CNTN6: variants seen among roughly 807,000 people sequenced by gnomAD.
CNTN6 encodes contactin 6, also known as contactin-6.
In CNTN6, 137 loss-of-function variants were observed where a neutral mutation model predicts 122.8. That is an observed-to-expected ratio of 1.12 (90% CI 0.97 to 1.29). CNTN6 has a LOEUF of 1.29. Among genes scored for constraint, CNTN6 ranks in the 50% most tolerant of loss-of-function variants. The pLI is 0.00. For synonymous variants in CNTN6, 570 were observed against 426.0 expected, an observed-to-expected ratio of 1.34 and a Z score of -4.16; for missense variants, 1,634 against 1,223.4, an observed-to-expected ratio of 1.34 and a Z score of -5.01.
At chr3:1,333,334 A>C (rs976781703) in intron 11 of CNTN6, among the ~76,000 whole-genome samples, 5 of 152,056 alleles carry the variant, frequency 3.3e-5, no homozygotes, top group African/African-American at 1.2e-4. Flanking sequence ...CAGATCCTAA[A>C]CTCAAACACA....
Position 1,218,209 on chromosome 3 carries a change from T to C in CNTN6, c.56-2478T>C, listed in dbSNP as rs142761523. On this transcript the variant is annotated intron_variant, in intron 2 of 22. Coordinates refer to ENST00000446702, the MANE Select transcript of CNTN6 (RefSeq NM_001289080.2). ...TGGTGGGGTGGCCTGGCAGAGGGTA[T>C]CAGAGCCTGAGGAAGGGGAAGAGGG... 2.0e-4 allele frequency among the ~76,000 whole-genome samples: 30 copies of C among 152,052 alleles called. 1 individual carries two copies. The East Asian group carries it at 5.3e-3, about 27-fold the overall frequency.
At chr3:1,219,663 G>A (rs1405170707) in intron 2 of CNTN6, among the ~76,000 whole-genome samples, 1 of 152,136 alleles carries the variant, frequency 6.6e-6, no homozygotes, top group Non-Finnish European at 1.5e-5. Flanking sequence ...AGGTGTTAAA[G>A]TCAGGGAAAT....
chr3:1,227,461 G>A (rs1218843871), intron 3 of CNTN6, among the ~76,000 whole-genome samples: 3 of 152,108 alleles, frequency 2.0e-5, no homozygotes, highest in Admixed American at 1.3e-4. Flanking sequence ...TGTGCTACCA[G>A]TTGTGGATGT....
In CNTN6 at chr3:1,381,786, T is replaced by C. The variant is rs960027640; in HGVS notation, c.2167-1156T>C. Among the ~76,000 whole-genome samples, 9 of 152,194 alleles carry C rather than the reference T, an allele frequency of 5.9e-5. No homozygotes were observed. The South Asian group carries it at 1.0e-3, about 17-fold the overall frequency. On this transcript the variant is annotated intron_variant, in intron 17 of 22. Coordinates refer to ENST00000446702, the MANE Select transcript of CNTN6 (RefSeq NM_001289080.2). ...TCCATGTTCTCTACTTTTTGCCTGC[T>C]CTGTGTATATCTATCATTGTTTTGC...
At chr3:1,139,780 A>G (rs941129416) in intron 1 of CNTN6, among the ~76,000 whole-genome samples, 3 of 152,194 alleles carry the variant, frequency 2.0e-5, no homozygotes, top group African/African-American at 7.2e-5. Flanking sequence ...AAAGCGAGGT[A>G]CAGAAGCAGC....
At chr3:1,248,132 C>T (rs2094606919) in intron 4 of CNTN6, among the ~76,000 whole-genome samples, 1 of 152,136 alleles carries the variant, frequency 6.6e-6, no homozygotes, top group Admixed American at 6.6e-5. Flanking sequence ...TCGAGTATTT[C>T]CTTTGAGCAT....
At chr3:1,165,347 G>C (rs550391097) in intron 2 of CNTN6, among the ~76,000 whole-genome samples, 1 of 152,150 alleles carries the variant, frequency 6.6e-6, no homozygotes, top group South Asian at 2.1e-4. Flanking sequence ...ACACCAATAG[G>C]AAATCATAAT....
At chr3:1,193,378 G>T (rs2093729994) in intron 2 of CNTN6, among the ~76,000 whole-genome samples, 1 of 152,204 alleles carries the variant, frequency 6.6e-6, no homozygotes, top group Non-Finnish European at 1.5e-5. Flanking sequence ...TCCACCATTT[G>T]TTAGTTATAT....
intron 7 of CNTN6, among the ~76,000 whole-genome samples, chr3:1,317,126 C>T (rs771585210): frequency 1.4e-4 from 22 of 151,954 alleles, no homozygotes; most frequent in Non-Finnish European, 2.9e-4. Flanking sequence ...AAACCTGCTT[C>T]ACTTTTCTCC....
chr3:1,163,607 G>A (rs1045810624), intron 2 of CNTN6, among the ~76,000 whole-genome samples: 2 of 152,108 alleles, frequency 1.3e-5, no homozygotes, highest in African/African-American at 4.8e-5. Flanking sequence ...CTTTACAGAT[G>A]AGGTTTTGCT....
chr3:1,141,413 G>T (rs2092605334), intron 1 of CNTN6, among the ~76,000 whole-genome samples: 1 of 152,158 alleles, frequency 6.6e-6, no homozygotes, highest in Admixed American at 6.6e-5. Flanking sequence ...TTGCAACAAT[G>T]ATGTCCTGAT....
chr3:1,150,069 A>G (rs1021500411), intron 2 of CNTN6, among the ~76,000 whole-genome samples: 1 of 142,976 alleles, frequency 7.0e-6, no homozygotes, highest in Non-Finnish European at 1.5e-5. Flanking sequence ...TTAAGTAGCC[A>G]TAGCTACTTA....
intron 2 of CNTN6, among the ~76,000 whole-genome samples, chr3:1,219,368 T>A (rs1314924002): frequency 6.6e-6 from 1 of 152,166 alleles, no homozygotes; most frequent in Non-Finnish European, 1.5e-5. Context: ...TTACCTCCAA[T>A]GGTGTATCCA....
At chr3:1,361,686 A>G (rs537667692) in intron 12 of CNTN6, among the ~76,000 whole-genome samples, 260 of 152,268 alleles carry the variant, frequency 1.7e-3, no homozygotes, top group African/African-American at 5.8e-3. Context: ...ATCTGTCTTA[A>G]CTAGTTGAAG....
intron 12 of CNTN6, among the ~76,000 whole-genome samples, chr3:1,358,701 T>G (rs769782240): frequency 6.6e-6 from 1 of 152,014 alleles, no homozygotes; most frequent in Non-Finnish European, 1.5e-5. Flanking sequence ...CATCCCAACA[T>G]GAAACGTTCA....
At chr3:1,389,088 A>T (rs1458262617) in intron 20 of CNTN6, among the ~76,000 whole-genome samples, 1 of 145,494 alleles carries the variant, frequency 6.9e-6, no homozygotes, top group African/African-American at 2.5e-5. Flanking sequence ...CCTCGAGAAG[A>T]GCAACTCCAA....
chr3:1,218,527 C>T (rs1181763100), intron 2 of CNTN6, among the ~76,000 whole-genome samples: 1 of 151,958 alleles, frequency 6.6e-6, no homozygotes, highest in Admixed American at 6.6e-5. Flanking sequence ...AGGAGTAAAA[C>T]TGGGAGTGGA....
intron 5 of CNTN6, among the ~76,000 whole-genome samples, chr3:1,279,023 A>G (rs1345287230): frequency 1.3e-5 from 2 of 152,216 alleles, no homozygotes; most frequent in African/African-American, 2.4e-5. Context: ...TTTGGGCTCT[A>G]TGGAGAAGCA....
At chr3:1,262,482 T>C (rs1316126360) in intron 4 of CNTN6, among the ~76,000 whole-genome samples, 3 of 152,176 alleles carry the variant, frequency 2.0e-5, no homozygotes, top group Non-Finnish European at 4.4e-5. Context: ...CTGCACTTTG[T>C]TGGTCTAAGA....
Sources: allele counts gnomAD v4.1 joint callset (sites outside exome capture counted in the v4.1 genomes callset), GRCh38; gene constraint gnomAD v4.1.1; transcripts MANE v1.5; gene names NCBI Gene and HGNC (gene_info 2026-07-23, HGNC 2026-07-21).